The following MME variants were observed in gnomAD, a reference collection of about 807,000 sequenced individuals.
MME encodes the protein neprilysin.
A neutral mutation model predicts 113.2 loss-of-function variants in MME; 98 were observed. The ratio of observed to expected loss-of-function variants is 0.87; its 90% CI spans 0.74 to 1.02. MME has a LOEUF of 1.02. Among genes scored for constraint, MME ranks in the 50% least tolerant of loss-of-function variants. The pLI, the probability that MME is intolerant of heterozygous loss-of-function variation, is 0.00. For missense variants in MME, 836 were observed against 896.0 expected, an observed-to-expected ratio of 0.93 and a Z score of 0.86; for synonymous variants, 292 against 300.6, an observed-to-expected ratio of 0.97 and a Z score of 0.30.
chr3:155,180,323 C>A, intron 22 of MME, 37 bp from the exon 23 acceptor site: 1 of 1,488,604 alleles, frequency 6.7e-7, no homozygotes, highest in South Asian at 1.1e-5. Context: ...ACGTGAGTAT[C>A]AAATGCTGAC....
intron 1 of MME, among the ~76,000 whole-genome samples, chr3:155,036,152 G>A (rs1407905899): frequency 6.6e-6 from 1 of 152,134 alleles, no homozygotes; most frequent in Non-Finnish European, 1.5e-5. Flanking sequence ...TGTGCAACTA[G>A]TAAAATAGAT....
intron 1 of MME, among the ~76,000 whole-genome samples, chr3:155,042,810 T>C (rs1713372567): frequency 6.7e-6 from 1 of 149,708 alleles, no homozygotes; most frequent in African/African-American, 2.4e-5. Context: ...CAAGTGTTTA[T>C]CATCTTTGCC....
At chr3:155,119,714 T>A (rs1403556881) in intron 8 of MME, among the ~76,000 whole-genome samples, 1 of 151,290 alleles carries the variant, frequency 6.6e-6, no homozygotes, top group Non-Finnish European at 1.5e-5. Context: ...GATTTCCAAT[T>A]TCATCCATGT....
rs1308534122 is a variant in MME at position 155,116,992 on chromosome 3, T to C, written c.654+6T>C. On this transcript the variant is annotated splice_donor_region_variant and intron_variant, in intron 7 of 22. Transcript: ENST00000360490. ...CTGTGAATCATGTAATTCATGTAAG[T>C]TTGTGTGTCAAATAACTAAAGTTAC... 1 of 1,450,390 alleles carries C rather than the reference T, an allele frequency of 6.9e-7. No individual in the cohort carries two copies. Among genetic ancestry groups the C allele is most frequent in the Non-Finnish European group, 9.7e-7 (1 of 1,031,892 alleles). 89.8% of individuals were successfully genotyped at this position (1,450,390 alleles called of 1,614,324 possible).
intron 3 of MME, among the ~76,000 whole-genome samples, chr3:155,098,358 A>C (rs1382068423): frequency 6.6e-6 from 1 of 152,152 alleles, no homozygotes; most frequent in Non-Finnish European, 1.5e-5. Context: ...GATCAAGACC[A>C]TCCTGGCCAA....
intron 15 of MME, among the ~76,000 whole-genome samples, chr3:155,147,916 G>A (rs1721645508): frequency 6.6e-6 from 1 of 152,146 alleles, no homozygotes; most frequent in African/African-American, 2.4e-5. Flanking sequence ...CTTTCCATTT[G>A]CAGAAGAAAC....
intron 3 of MME, among the ~76,000 whole-genome samples, chr3:155,097,740 T>C (rs1221775683): frequency 6.6e-6 from 1 of 152,164 alleles, no homozygotes; most frequent in Non-Finnish European, 1.5e-5. Context: ...CATCATCCAG[T>C]TGCCTTTGTG....
At chr3:155,158,313 A>G (rs1022102801) in intron 16 of MME, 1 of 152,088 alleles carries the variant, frequency 6.6e-6, no homozygotes, top group Non-Finnish European at 1.5e-5. Flanking sequence ...CCCTAAAACC[A>G]CTGGGACCTA....
intron 3 of MME, chr3:155,085,395 A>G (rs1359093259): frequency 4.5e-6 from 1 of 223,958 alleles, no homozygotes; most frequent in Non-Finnish European, 8.7e-6. Context: ...CACATATGAA[A>G]TGGTAAGTTT....
At chr3:155,099,501 G>A (rs1016271943) in intron 3 of MME, among the ~76,000 whole-genome samples, 8 of 152,154 alleles carry the variant, frequency 5.3e-5, no homozygotes, top group Non-Finnish European at 1.0e-4. Flanking sequence ...AGATGATTGC[G>A]AAGTTAAATT....
intron 1 of MME, among the ~76,000 whole-genome samples, chr3:155,053,277 T>C (rs1713818732): frequency 6.6e-6 from 1 of 152,208 alleles, no homozygotes; most frequent in African/African-American, 2.4e-5. Context: ...TTTACTGTTT[T>C]AGTCTGTTTT....
chr3:155,145,568 C>T (rs1721439624), intron 14 of MME, among the ~76,000 whole-genome samples: 1 of 151,996 alleles, frequency 6.6e-6, no homozygotes, highest in South Asian at 2.1e-4. Context: ...CATACCTGGC[C>T]CTTGGTAGAC....
intron 1 of MME, among the ~76,000 whole-genome samples, chr3:155,045,690 A>C (rs755413858): frequency 1.3e-5 from 2 of 151,464 alleles, no homozygotes; most frequent in South Asian, 4.2e-4. Flanking sequence ...TTTTCAATGA[A>C]TCAGTCTTTG....
intron 22 of MME, among the ~76,000 whole-genome samples, chr3:155,174,325 C>CGTGT (rs3839085): frequency 0.024 from 2,594 of 110,274 alleles, 46 homozygotes; most frequent in African/African-American, 0.035. Context: ...ACAACAGAAG[C>CGTGT]GTGTGTGTGT....
At chr3:155,029,689 A>G (rs1313259700) in intron 1 of MME, among the ~76,000 whole-genome samples, 1 of 152,126 alleles carries the variant, frequency 6.6e-6, no homozygotes, top group Non-Finnish European at 1.5e-5. Context: ...TTTAATACTA[A>G]CAATTCTGAA....
intron 22 of MME, among the ~76,000 whole-genome samples, chr3:155,176,076 G>A (rs754197497): frequency 1.3e-5 from 2 of 152,130 alleles, no homozygotes; most frequent in Non-Finnish European, 2.9e-5. Context: ...ATGAAGATTG[G>A]ATACCTTATT....
intron 8 of MME, among the ~76,000 whole-genome samples, chr3:155,128,598 C>T (rs1243232206): frequency 6.6e-6 from 1 of 151,016 alleles, no homozygotes; most frequent in Non-Finnish European, 1.5e-5. Context: ...AACTTGCCCC[C>T]CACACACACC....
intron 8 of MME, among the ~76,000 whole-genome samples, chr3:155,120,328 T>A (rs1421148044): frequency 8.9e-6 from 1 of 111,838 alleles, no homozygotes; most frequent in African/African-American, 3.1e-5. Flanking sequence ...CTTTGTCAGA[T>A]GAGTAGGTTG....
At chr3:155,048,653 T>C (rs1370746562) in intron 1 of MME, among the ~76,000 whole-genome samples, 1 of 152,148 alleles carries the variant, frequency 6.6e-6, no homozygotes, top group African/African-American at 2.4e-5. Context: ...AAATTCTTTG[T>C]CCTTGAAGTT....
Sources: gnomAD v4.1 joint callset for allele counts (sites outside exome capture counted in the v4.1 genomes callset) on GRCh38, gnomAD v4.1.1 for gene constraint, MANE v1.5 for transcripts, NCBI Gene and HGNC (gene_info 2026-07-23, HGNC 2026-07-21) for gene names.